CSMD1: variants seen among roughly 807,000 people sequenced by gnomAD.
CSMD1 encodes CUB and Sushi multiple domains 1, also known as CUB and sushi domain-containing protein 1.
In CSMD1, 213 loss-of-function variants were observed where a neutral mutation model predicts 417.5. The observed-to-expected ratio is 0.51, with a 90% CI of 0.46 to 0.57. The LOEUF is 0.57. Ranked by LOEUF, CSMD1 falls within the 20% of genes least tolerant of loss-of-function variation. The pLI is 0.00. For synonymous variants in CSMD1, 2,862 were observed against 1,736.8 expected, an observed-to-expected ratio of 1.65 and a Z score of -16.11; for missense variants, 6,923 against 4,529.7, an observed-to-expected ratio of 1.53 and a Z score of -15.17.
At chr8:4,391,738 G>A (rs1319195010) in intron 3 of CSMD1, among the ~76,000 whole-genome samples, 2 of 152,150 alleles carry the variant, frequency 1.3e-5, no homozygotes, top group African/African-American at 4.8e-5. Context: ...CAATGTGCCT[G>A]AAGCCTTCCC....
intron 5 of CSMD1, among the ~76,000 whole-genome samples, chr8:3,894,872 C>G (rs1188755057): frequency 6.6e-6 from 1 of 152,180 alleles, no homozygotes; most frequent in Non-Finnish European, 1.5e-5. Flanking sequence ...ATTTTCACAC[C>G]TGTCTTATAA....
At position 4,394,821 on chromosome 8, in the gene CSMD1, G is replaced by T. The variant is rs1804089668; in HGVS notation, c.415+25132C>A. On this transcript the variant is annotated intron_variant, in intron 3 of 69. Transcript: ENST00000635120. ...AGTTTTCAGCTGACTTTAAATTTCT[G>T]GATTTTTTCATGGTCCTTTGTGCTT... Among the ~76,000 whole-genome samples the T allele has an allele frequency of 2.0e-5, 3 of 152,092 alleles. No individual in the cohort carries two copies. In the South Asian group the frequency reaches 6.2e-4, roughly 32 times the overall value.
intron 52 of CSMD1, among the ~76,000 whole-genome samples, chr8:3,008,387 G>T (rs10096894): frequency 6.6e-6 from 1 of 152,186 alleles, no homozygotes; most frequent in East Asian, 1.9e-4. Flanking sequence ...TAGACCAGGG[G>T]AGGCTGCACA....
intron 1 of CSMD1, among the ~76,000 whole-genome samples, chr8:4,678,956 C>A (rs1366246669): frequency 2.0e-5 from 3 of 152,164 alleles, no homozygotes; most frequent in Non-Finnish European, 4.4e-5. Context: ...CCAACCTTAC[C>A]AGCTATGCTA....
chr8:4,942,302 CTG>C (rs1808057577), intron 1 of CSMD1, among the ~76,000 whole-genome samples: 1 of 152,058 alleles, frequency 6.6e-6, no homozygotes, highest in Non-Finnish European at 1.5e-5. Flanking sequence ...AAGAATTCCT[CTG>C]TGAATTCTTG....
At chr8:3,107,231 T>C (rs1180400584) in intron 45 of CSMD1, 2 of 156,496 alleles carry the variant, frequency 1.3e-5, no homozygotes, top group Non-Finnish European at 2.8e-5. Flanking sequence ...ATCATTAATG[T>C]AAAAAGATAC....
At chr8:4,018,038 G>A (rs1796607487) in intron 4 of CSMD1, among the ~76,000 whole-genome samples, 2 of 151,554 alleles carry the variant, frequency 1.3e-5, no homozygotes, top group African/African-American at 4.9e-5. Flanking sequence ...TCATACCCAT[G>A]AAACTGTCAC....
intron 5 of CSMD1, among the ~76,000 whole-genome samples, chr8:3,909,713 G>C (rs1000523163): frequency 2.0e-5 from 3 of 152,088 alleles, no homozygotes; most frequent in Non-Finnish European, 4.4e-5. Flanking sequence ...CTTGCGGCTT[G>C]TGTAGCAAAG....
chr8:3,296,889 G>A (rs1166525080), intron 25 of CSMD1, among the ~76,000 whole-genome samples: 3 of 152,082 alleles, frequency 2.0e-5, no homozygotes, highest in African/African-American at 7.2e-5. Context: ...TAGATGGAGG[G>A]GTATGTAGGT....
chr8:3,602,527 A>C (rs561417644), intron 8 of CSMD1, among the ~76,000 whole-genome samples: 1 of 152,254 alleles, frequency 6.6e-6, no homozygotes, highest in East Asian at 1.9e-4. Flanking sequence ...ACTGATGATG[A>C]TCTCACAGGC....
intron 2 of CSMD1, among the ~76,000 whole-genome samples, chr8:4,568,018 C>T (rs1431632535): frequency 6.6e-6 from 1 of 152,072 alleles, no homozygotes; most frequent in Non-Finnish European, 1.5e-5. Context: ...TGGATCAGAG[C>T]CCATTCTAAA....
chr8:3,976,495 G>A (rs1362378013), intron 5 of CSMD1, among the ~76,000 whole-genome samples: 7 of 152,034 alleles, frequency 4.6e-5, no homozygotes, highest in Non-Finnish European at 1.0e-4. Context: ...AACACATAAC[G>A]CTTAATAAAT....
chr8:3,563,345 A>T (rs143302964), intron 10 of CSMD1, among the ~76,000 whole-genome samples: 44 of 151,732 alleles, frequency 2.9e-4, no homozygotes, highest in Middle Eastern at 3.4e-3. Context: ...GTTGTTACTC[A>T]TATCATTACT....
chr8:4,501,608 A>G (rs1038890308), intron 2 of CSMD1, among the ~76,000 whole-genome samples: 15 of 152,284 alleles, frequency 9.9e-5, no homozygotes, highest in South Asian at 4.1e-4. Flanking sequence ...TAAATAATGT[A>G]TAAGTTTTAA....
chr8:4,085,496 A>G (rs984013454), intron 3 of CSMD1, among the ~76,000 whole-genome samples: 3 of 152,232 alleles, frequency 2.0e-5, no homozygotes, highest in Non-Finnish European at 1.5e-5. Context: ...TGGATACTCC[A>G]ATTCTTTCCT....
intron 23 of CSMD1, among the ~76,000 whole-genome samples, chr8:3,318,948 A>G (rs1313456968): frequency 6.6e-6 from 1 of 152,178 alleles, no homozygotes; most frequent in East Asian, 1.9e-4. Context: ...AAAAACATAC[A>G]AACACACACA....
intron 36 of CSMD1, among the ~76,000 whole-genome samples, chr8:3,184,828 C>G (rs1821644599): frequency 6.6e-6 from 1 of 152,220 alleles, no homozygotes. Flanking sequence ...AGCTCATTCT[C>G]CAACCTTATC....
At chr8:4,156,229 T>G (rs1410632593) in intron 3 of CSMD1, among the ~76,000 whole-genome samples, 1 of 152,186 alleles carries the variant, frequency 6.6e-6, no homozygotes, top group African/African-American at 2.4e-5. Context: ...CTTGGGGTGG[T>G]AGCAAAATCT....
At chr8:4,024,829 C>A (rs891199112) in intron 4 of CSMD1, among the ~76,000 whole-genome samples, 1 of 152,178 alleles carries the variant, frequency 6.6e-6, no homozygotes, top group Non-Finnish European at 1.5e-5. Context: ...CTTCAGGGAT[C>A]TAAGCTCTGC....
Sources: gnomAD v4.1 joint callset for allele counts (sites outside exome capture counted in the v4.1 genomes callset) on GRCh38, gnomAD v4.1.1 for gene constraint, MANE v1.5 for transcripts, NCBI Gene and HGNC (gene_info 2026-07-23, HGNC 2026-07-21) for gene names.